Variants in ZNF875 observed in about 807,000 individuals in gnomAD.
ZNF875 encodes zinc finger protein 875, also known as HKR1, GLI-Kruppel zinc finger family member.
ZNF875 carries 14 observed loss-of-function variants against 11.2 expected under a neutral mutation model. The observed-to-expected ratio is 1.26, with a 90% confidence interval of 0.83 to 1.96. The LOEUF (loss-of-function observed/expected upper bound fraction) is 1.96, where lower values mean the gene tolerates loss of function less well. Among genes scored for constraint, ZNF875 ranks in the 30% most tolerant of loss-of-function variants. ZNF875 has a pLI of 0.00. For missense variants in ZNF875, 752 were observed against 760.4 expected (o/e 0.99, Z 0.13); for synonymous variants, 301 against 281.1 (o/e 1.07, Z -0.71).
intron 1 of ZNF875, among the ~76,000 whole-genome samples, chr19:37,320,366 A>G (rs1240216846): frequency 6.6e-6 from 1 of 152,224 alleles, no homozygotes; most frequent in Non-Finnish European, 1.5e-5. Context: ...GTCATCTGAC[A>G]GCATCTCCAA....
intron 4 of ZNF875, among the ~76,000 whole-genome samples, chr19:37,351,559 C>A (rs1357589279): frequency 1.3e-5 from 2 of 152,104 alleles, no homozygotes; most frequent in Admixed American, 6.6e-5. Context: ...ACATATATAT[C>A]TGTACATTTA....
At chr19:37,353,121 G>A (rs887306405) in intron 4 of ZNF875, among the ~76,000 whole-genome samples, 8 of 152,052 alleles carry the variant, frequency 5.3e-5, no homozygotes, top group Non-Finnish European at 1.0e-4. Flanking sequence ...TGATCTGCCT[G>A]CCTCAGCCTC....
chr19:37,319,812 A>T (rs1489809862), intron 1 of ZNF875, among the ~76,000 whole-genome samples: 1 of 152,022 alleles, frequency 6.6e-6, no homozygotes, highest in African/African-American at 2.4e-5. Flanking sequence ...TCTTGTCTAC[A>T]CTTGAGTTGG....
intron 2 of ZNF875, chr19:37,345,024 G>C (rs2036505978): frequency 2.5e-6 from 1 of 395,814 alleles, no homozygotes; most frequent in Non-Finnish European, 4.8e-6. Flanking sequence ...GATTCTCAGT[G>C]AGTACCTCCT....
rs2036985771 is a variant in ZNF875, at chr19:37,347,278, A to T, written c.122A>T (p.Glu41Val). Reference protein sequence around the residue: ...LSPAQRTLHREVMLETYNHLV... With the variant: ...LSPAQRTLHRVVMLETYNHLV... ...CCTGCTCAGAGGACCCTGCACAGGG[A>T]GGTGATGCTGGAGACTTATAACCAT... The change falls in exon 3 of 5, where the codon GAG becomes GTG. Residue 41 changes from glutamate to valine, a missense_variant. By Grantham distance (121) the Glu-to-Val change is moderately radical. Transcript: ENST00000392153. 1 of 1,613,912 alleles carries T rather than the reference A, an allele frequency of 6.2e-7. No homozygotes were observed. The highest frequency in any genetic ancestry group is 1.3e-5 in the African/African-American group (1 of 74,926).
chr19:37,342,264 G>C (rs187227850), intron 2 of ZNF875, among the ~76,000 whole-genome samples: 6 of 152,142 alleles, frequency 3.9e-5, no homozygotes, highest in African/African-American at 1.4e-4. Context: ...TGGAGAGACT[G>C]AAGATGTAAA....
At chr19:37,343,416 C>A (rs1217640515) in intron 2 of ZNF875, among the ~76,000 whole-genome samples, 1 of 148,074 alleles carries the variant, frequency 6.8e-6, no homozygotes, top group South Asian at 2.2e-4. Context: ...AAAATGAAAT[C>A]ATTTTTTCAA....
intron 2 of ZNF875, chr19:37,344,841 A>G (rs758880987): frequency 5.0e-6 from 5 of 998,492 alleles, no homozygotes. Context: ...GGAGATTTTC[A>G]AGGGGTGTAT....
intron 4 of ZNF875, among the ~76,000 whole-genome samples, chr19:37,349,898 A>G (rs1299404290): frequency 6.7e-6 from 1 of 148,542 alleles, no homozygotes. Context: ...GAAGTGATCC[A>G]CCTGCCTTGG....
At chr19:37,322,941 GAA>G (rs1257177159) in intron 2 of ZNF875, among the ~76,000 whole-genome samples, 3 of 151,942 alleles carry the variant, frequency 2.0e-5, no homozygotes, top group African/African-American at 7.3e-5. Context: ...CCACCTCCAC[GAA>G]AATCTGGAGC....
At chr19:37,344,630 CT>C (rs1203379417) in intron 2 of ZNF875, 2 of 1,497,516 alleles carry the variant, frequency 1.3e-6, no homozygotes, top group African/African-American at 2.8e-5. Flanking sequence ...GATGAATTAA[CT>C]CCCCCAAGCT....
intron 4 of ZNF875, among the ~76,000 whole-genome samples, chr19:37,353,165 C>T (rs541996552): frequency 3.3e-5 from 5 of 152,278 alleles, no homozygotes; most frequent in Admixed American, 2.6e-4. Context: ...TGAGCCACCG[C>T]GCCCGGCTCC....
At chr19:37,313,470 C>G (rs1265954246), upstream of ZNF875, among the ~76,000 whole-genome samples, 2 of 152,106 alleles carry the variant, frequency 1.3e-5, no homozygotes, top group African/African-American at 4.8e-5. Flanking sequence ...CAGATTGATT[C>G]CACACTCTCT....
chr19:37,322,658 C>T (rs1490609747), intron 2 of ZNF875, among the ~76,000 whole-genome samples: 1 of 152,156 alleles, frequency 6.6e-6, no homozygotes, highest in African/African-American at 2.4e-5. Flanking sequence ...AGGTTTACAT[C>T]AGTTGCCCCA....
chr19:37,325,798 C>T (rs2032338125), intron 4 of ZNF875, among the ~76,000 whole-genome samples: 1 of 152,042 alleles, frequency 6.6e-6, no homozygotes, highest in African/African-American at 2.4e-5. Flanking sequence ...GCCTCGATAT[C>T]TGGGGCCGAA....
chr19:37,331,299 G>A (rs575512752), upstream of ZNF875, among the ~76,000 whole-genome samples: 47 of 137,276 alleles, frequency 3.4e-4, no homozygotes, highest in African/African-American at 1.2e-3. Flanking sequence ...GCACAATCTT[G>A]GCTCACTGCA....
chr19:37,318,554 C>G (rs1331640858), intron 1 of ZNF875, among the ~76,000 whole-genome samples: 1 of 150,552 alleles, frequency 6.6e-6, no homozygotes, highest in Non-Finnish European at 1.5e-5. Flanking sequence ...CAGAGTCTCG[C>G]TCTGTCGCCC....
chr19:37,324,310 CTGTTT>C (rs1038663483), intron 4 of ZNF875: 5 of 152,174 alleles, frequency 3.3e-5, no homozygotes, highest in Non-Finnish European at 5.9e-5. Flanking sequence ...CTAATTTATT[CTGTTT>C]TATTTTGTTT....
intron 4 of ZNF875, among the ~76,000 whole-genome samples, chr19:37,326,428 C>T (rs1482645133): frequency 6.6e-6 from 1 of 152,250 alleles, no homozygotes; most frequent in African/African-American, 2.4e-5. Context: ...ATTTCCAATT[C>T]CTTAACATCC....
Sources: allele counts gnomAD v4.1 joint callset (sites outside exome capture counted in the v4.1 genomes callset), GRCh38; gene constraint gnomAD v4.1.1; transcripts MANE v1.5; gene names NCBI Gene and HGNC (gene_info 2026-07-23, HGNC 2026-07-21).